ELFN1: variants seen among roughly 807,000 people sequenced by gnomAD.
The protein encoded by ELFN1 is protein ELFN1.
A neutral mutation model predicts 7.6 loss-of-function variants in ELFN1; 6 were observed. The ratio of observed to expected loss-of-function variants is 0.79; its 90% CI spans 0.43 to 1.56. The LOEUF (loss-of-function observed/expected upper bound fraction) is 1.56. Ranked by LOEUF, ELFN1 falls within the 40% of genes most tolerant of loss-of-function variation. ELFN1 has a pLI of 0.01. For synonymous variants in ELFN1, 657 were observed against 588.1 expected, an observed-to-expected ratio of 1.12 and a Z score of -1.70; for missense variants, 1,169 against 1,232.2, an observed-to-expected ratio of 0.95 and a Z score of 0.77.
At chr7:1,714,269 C>T (rs1779760426) in intron 3 of ELFN1, among the ~76,000 whole-genome samples, 1 of 152,134 alleles carries the variant, frequency 6.6e-6, no homozygotes, top group Non-Finnish European at 1.5e-5. Context: ...CAGCCCCCAG[C>T]ATGCGGAGGG....
At chr7:1,698,156 C>G (rs909561967) in intron 2 of ELFN1, among the ~76,000 whole-genome samples, 1 of 152,168 alleles carries the variant, frequency 6.6e-6, no homozygotes, top group African/African-American at 2.4e-5. Context: ...AACATCTAGC[C>G]AAATTTTTAG....
At chr7:1,699,028 T>C (rs527325989) in intron 2 of ELFN1, among the ~76,000 whole-genome samples, 1 of 152,346 alleles carries the variant, frequency 6.6e-6, no homozygotes, top group African/African-American at 2.4e-5. Context: ...GTTGTATAAG[T>C]GGAAGCATCC....
intron 3 of ELFN1, among the ~76,000 whole-genome samples, chr7:1,734,677 G>C (rs1449997655): frequency 6.6e-6 from 1 of 152,122 alleles, no homozygotes; most frequent in Non-Finnish European, 1.5e-5. Flanking sequence ...TCTGGGGTGA[G>C]GCAGGAATCT....
chr7:1,741,810 C>T (rs1780623892), intron 3 of ELFN1, among the ~76,000 whole-genome samples: 1 of 152,174 alleles, frequency 6.6e-6, no homozygotes, highest in African/African-American at 2.4e-5. Flanking sequence ...CCACACCTGC[C>T]TCCACCCAGC....
intron 3 of ELFN1, among the ~76,000 whole-genome samples, chr7:1,721,629 G>C (rs138438895): frequency 1.3e-5 from 2 of 152,336 alleles, no homozygotes; most frequent in Non-Finnish European, 2.9e-5. Flanking sequence ...TTACGCACCT[G>C]CCAAGCCCAC....
intron 1 of ELFN1, among the ~76,000 whole-genome samples, chr7:1,672,610 T>C (rs1778788135): frequency 6.6e-6 from 1 of 152,132 alleles, no homozygotes; most frequent in African/African-American, 2.4e-5. Flanking sequence ...GTTGGTGACT[T>C]TCTCTATCTG....
At chr7:1,731,019 C>T (rs767911551) in intron 3 of ELFN1, among the ~76,000 whole-genome samples, 1 of 152,190 alleles carries the variant, frequency 6.6e-6, no homozygotes, top group African/African-American at 2.4e-5. Flanking sequence ...CTAACAACAG[C>T]TAGTCGAGAC....
At chr7:1,693,658 C>T (rs980770461) in intron 2 of ELFN1, 7 of 471,116 alleles carry the variant, frequency 1.5e-5, no homozygotes, top group Admixed American at 1.4e-4. Flanking sequence ...TGCAGGTGAG[C>T]ACAGACACAT....
chr7:1,675,438 G>A (rs1270396768), intron 1 of ELFN1, among the ~76,000 whole-genome samples: 1 of 152,256 alleles, frequency 6.6e-6, no homozygotes, highest in African/African-American at 2.4e-5. Flanking sequence ...TGGAAACCCC[G>A]GGAGATGATT....
intron 3 of ELFN1, among the ~76,000 whole-genome samples, chr7:1,711,958 G>A (rs1779669368): frequency 1.3e-5 from 2 of 152,246 alleles, no homozygotes; most frequent in Non-Finnish European, 2.9e-5. Flanking sequence ...GAGGCCCACA[G>A]GGCTGCGGCA....
At chr7:1,677,813 G>A (rs999253598) in intron 1 of ELFN1, among the ~76,000 whole-genome samples, 1 of 152,060 alleles carries the variant, frequency 6.6e-6, no homozygotes, top group African/African-American at 2.4e-5. Flanking sequence ...AGCGGATGGA[G>A]GCTCTGAGAT....
Position 1,735,452 on chromosome 7 carries a change from G to A in ELFN1, c.-293-8852G>A, listed in dbSNP as rs1780419074. ...TACTCCCCAGCCCGGCCTCCTGGAG[G>A]GCAAGGCGGAGGTCAGGGGCCTGCT... On this transcript the variant is annotated intron_variant, in intron 3 of 3. Coordinates refer to ENST00000424383, the MANE Select transcript of ELFN1 (RefSeq NM_001128636.4). This position sits in a 1 kb window ranked among gnomAD's most constrained non-coding sequence, Gnocchi z 5.9. 6.6e-6 allele frequency among the ~76,000 whole-genome samples: 1 copy of A among 152,016 alleles called. No individual in the cohort carries two copies. Among genetic ancestry groups the A allele is most frequent in the Admixed American group, 6.6e-5 (1 of 15,260 alleles).
intron 1 of ELFN1, among the ~76,000 whole-genome samples, chr7:1,683,757 C>G (rs892306121): frequency 6.6e-6 from 1 of 152,200 alleles, no homozygotes; most frequent in Non-Finnish European, 1.5e-5. Flanking sequence ...ATAACTGTTA[C>G]ATATTCCTGA....
intron 1 of ELFN1, among the ~76,000 whole-genome samples, chr7:1,674,364 G>T (rs373788982): frequency 2.6e-5 from 4 of 152,158 alleles, no homozygotes; most frequent in African/African-American, 9.7e-5. Context: ...TCAGGATCTC[G>T]GTTACTCAGC....
intron 3 of ELFN1, among the ~76,000 whole-genome samples, chr7:1,742,644 C>A (rs1780659104): frequency 6.6e-6 from 1 of 152,232 alleles, no homozygotes; most frequent in Non-Finnish European, 1.5e-5. Flanking sequence ...GTGGGCCTAG[C>A]CAGGTCCTGC....
chr7:1,739,934 A>C lies in ELFN1; in HGVS notation c.-293-4370A>C, dbSNP rs1479674135. On this transcript the variant is annotated intron_variant, in intron 3 of 3. Coordinates refer to ENST00000424383, the MANE Select transcript of ELFN1 (RefSeq NM_001128636.4). The surrounding 1 kb of genome is among the most constrained non-coding windows in gnomAD (Gnocchi z 4.6). ...CAATGAGGCAGAGGCTGGAAGTTAC[A>C]CAGGTCAAGTTGGTTTGTTTTATGG... Among the ~76,000 whole-genome samples, 2 of 152,188 alleles carry C rather than the reference A, an allele frequency of 1.3e-5. No individual in the cohort carries two copies. The highest frequency in any genetic ancestry group is 4.8e-5 in the African/African-American group (2 of 41,446).
intron 3 of ELFN1, among the ~76,000 whole-genome samples, chr7:1,737,172 C>G (rs566057706): frequency 6.6e-6 from 1 of 152,254 alleles, no homozygotes; most frequent in South Asian, 2.1e-4. Context: ...TGGGGCCCTT[C>G]GAGCGCAGCT....
chr7:1,684,842 G>A (rs939421754), intron 1 of ELFN1, among the ~76,000 whole-genome samples: 1 of 151,942 alleles, frequency 6.6e-6, no homozygotes, highest in African/African-American at 2.4e-5. Context: ...TAAAAATATT[G>A]CTTTATACAA....
Position 1,695,569 on chromosome 7 carries a change from A to C in ELFN1, c.-456+7419A>C, listed in dbSNP as rs1393067572. 2.0e-5 allele frequency among the ~76,000 whole-genome samples: 3 copies of C among 152,026 alleles called. No individual in the cohort carries two copies. Among genetic ancestry groups the C allele is most frequent in the African/African-American group, 7.2e-5 (3 of 41,384 alleles). On this transcript the variant is annotated intron_variant, in intron 2 of 3. Transcript: ENST00000424383. The surrounding 1 kb of genome is among the most constrained non-coding windows in gnomAD (Gnocchi z 5.1). Reference sequence around the variant, plus strand: ...AAGACAAGCCTGGCCAACATGGAGAAACCCCGTCTCTACTAAAAAATACAA... The same window carrying C: ...AAGACAAGCCTGGCCAACATGGAGACACCCCGTCTCTACTAAAAAATACAA...
Sources: allele counts gnomAD v4.1 joint callset (sites outside exome capture counted in the v4.1 genomes callset), GRCh38; gene constraint gnomAD v4.1.1; non-coding constraint Gnocchi (gnomAD v3.1); transcripts MANE v1.5; gene names NCBI Gene and HGNC (gene_info 2026-07-23, HGNC 2026-07-21).